The following XKR6 variants were observed in gnomAD, a reference collection of about 807,000 sequenced individuals.
XKR6 encodes XK-related protein 6.
Under a neutral mutation model 56.7 loss-of-function variants are expected in XKR6, and 22 were observed. The observed-to-expected ratio is 0.39, with a 90% CI of 0.28 to 0.55. The LOEUF is 0.55. XKR6 is among the 20% of genes least tolerant of loss of function. The probability of loss-of-function intolerance (pLI) is 0.66; values close to 1 mark genes in which losing one functional copy is unlikely to be tolerated. For synonymous variants in XKR6, 524 were observed against 387.8 expected, an observed-to-expected ratio of 1.35 and a Z score of -4.13; for missense variants, 852 against 889.0, an observed-to-expected ratio of 0.96 and a Z score of 0.53.
chr8:11,032,163 G>A (rs1230304914), intron 1 of XKR6, among the ~76,000 whole-genome samples: 2 of 152,148 alleles, frequency 1.3e-5, no homozygotes, highest in Non-Finnish European at 2.9e-5. Context: ...TTTTTCTTCT[G>A]CTTCTTTTAC....
chr8:11,122,347 A>T (rs1314019669), intron 1 of XKR6, among the ~76,000 whole-genome samples: 1 of 152,266 alleles, frequency 6.6e-6, no homozygotes, highest in Non-Finnish European at 1.5e-5. Flanking sequence ...TACAGATCTC[A>T]TATTTGCCCC....
At chr8:10,904,510 G>A (rs540435060) in intron 2 of XKR6, among the ~76,000 whole-genome samples, 13 of 152,164 alleles carry the variant, frequency 8.5e-5, no homozygotes, top group Non-Finnish European at 1.5e-4. Flanking sequence ...GGATATGGGT[G>A]CCCTACTGAA....
chr8:10,948,711 T>C (rs1586342257), intron 1 of XKR6, among the ~76,000 whole-genome samples: 1 of 152,124 alleles, frequency 6.6e-6, no homozygotes, highest in South Asian at 2.1e-4. Flanking sequence ...TGCTTTCCCA[T>C]GGGGAAGGCC....
intron 1 of XKR6, among the ~76,000 whole-genome samples, chr8:11,159,147 G>C (rs905585059): frequency 1.3e-5 from 2 of 152,214 alleles, no homozygotes; most frequent in African/African-American, 2.4e-5. Flanking sequence ...GTTTCAATGA[G>C]TTAATACACA....
intron 1 of XKR6, among the ~76,000 whole-genome samples, chr8:10,972,127 C>T (rs932718956): frequency 6.6e-6 from 1 of 152,122 alleles, no homozygotes; most frequent in African/African-American, 2.4e-5. Context: ...TGCCTTCCGA[C>T]CCCGACTGCT....
At chr8:11,117,885 C>T (rs940517580) in intron 1 of XKR6, among the ~76,000 whole-genome samples, 2 of 152,178 alleles carry the variant, frequency 1.3e-5, no homozygotes, top group Non-Finnish European at 2.9e-5. Context: ...CCAATAAATA[C>T]AGAAAAATAA....
At chr8:11,119,890 T>C (rs1243089177) in intron 1 of XKR6, among the ~76,000 whole-genome samples, 1 of 152,018 alleles carries the variant, frequency 6.6e-6, no homozygotes, top group Non-Finnish European at 1.5e-5. Flanking sequence ...CATACGAAAA[T>C]CAATAAACGT....
chr8:11,127,315 T>C (rs979923834), intron 1 of XKR6, among the ~76,000 whole-genome samples: 40 of 152,354 alleles, frequency 2.6e-4, no homozygotes, highest in African/African-American at 9.4e-4. Flanking sequence ...TTCAACGAGT[T>C]ACTTATCTTT....
At chr8:11,118,866 G>C (rs1166560919) in intron 1 of XKR6, among the ~76,000 whole-genome samples, 3 of 152,088 alleles carry the variant, frequency 2.0e-5, no homozygotes, top group African/African-American at 7.2e-5. Flanking sequence ...GAATGTGTTT[G>C]CTCTTGCTTC....
rs1563216788 is a variant in XKR6, at chr8:11,200,881, G to A, written c.459C>T (p.Tyr153=). Residue 153 remains tyrosine, a synonymous_variant, in exon 1 of 3, where the codon TAC becomes TAT. Transcript: ENST00000416569. This position sits in a 1 kb window ranked among gnomAD's most constrained non-coding sequence, Gnocchi z 6.4. ...AGTAGACGTAGTCCCCCTTGCGGTA[G>A]TAGTCGAGGGCCAGCCACAGGTCGG... The part of the protein sequence containing the change: ...VGTDLWLALD[Y]YRKGDYVYFG... 1 of 1,611,532 alleles carries A rather than the reference G, an allele frequency of 6.2e-7. No individual in the cohort carries two copies. The highest frequency in any genetic ancestry group is 8.5e-7 in the Non-Finnish European group (1 of 1,179,440).
intron 1 of XKR6, among the ~76,000 whole-genome samples, chr8:11,094,102 A>C (rs1193930230): frequency 7.0e-6 from 1 of 143,832 alleles, no homozygotes; most frequent in East Asian, 2.0e-4. Context: ...TTTTTGACAG[A>C]GTCTTGCTGT....
intron 1 of XKR6, among the ~76,000 whole-genome samples, chr8:10,970,187 T>G (rs1229144429): frequency 6.6e-6 from 1 of 152,164 alleles, no homozygotes; most frequent in Non-Finnish European, 1.5e-5. Flanking sequence ...GCATGTGTTC[T>G]CTGGAGGCGA....
rs569275911 is a variant in XKR6, at chr8:11,093,954, T to A, written c.764+106622A>T. 1.4e-4 allele frequency among the ~76,000 whole-genome samples: 21 copies of A among 152,112 alleles called. No homozygotes were observed. In the South Asian group the frequency reaches 4.2e-3, roughly 30 times the overall value. On this transcript the variant is annotated intron_variant, in intron 1 of 2. Transcript: ENST00000416569. ...GTCCGCCACCACGCCAGACTAATTTTTTGTATTTTTAGTAGAGATGGGGGT... is the reference window on the plus strand; with the variant it reads ...GTCCGCCACCACGCCAGACTAATTTATTGTATTTTTAGTAGAGATGGGGGT...
chr8:10,946,536 G>A (rs1320682696), intron 1 of XKR6, among the ~76,000 whole-genome samples: 1 of 151,892 alleles, frequency 6.6e-6, no homozygotes, highest in Non-Finnish European at 1.5e-5. Flanking sequence ...CCCACCCCTG[G>A]GGGTGGCGTG....
chr8:10,896,105 ACT>A lies in XKR6; in HGVS notation c.*1845_*1846del, dbSNP rs1423027275. On this transcript the variant is annotated 3_prime_UTR_variant, in exon 3 of 3. Transcript: ENST00000416569. ...TGTTTATATATATATATATATATAT[ACT>A]TATTATATATCTTTTTTGTGATTTT... The A allele has an allele frequency of 6.8e-6, 1 of 147,762 alleles. No homozygotes were observed. The highest frequency in any genetic ancestry group is 1.5e-5 in the Non-Finnish European group (1 of 66,982). The allele number at this position is 147,762 out of a possible 1,614,324, so 9.2% of individuals were successfully genotyped here. A position where few individuals can be genotyped will look rare whatever the true frequency, so the allele number is the denominator to read the frequency against.
chr8:11,147,129 G>A (rs1428793097), intron 1 of XKR6, among the ~76,000 whole-genome samples: 1 of 151,968 alleles, frequency 6.6e-6, no homozygotes, highest in African/African-American at 2.4e-5. Context: ...TAAAGGGGGT[G>A]AAAGGAAACT....
At chr8:11,183,294 A>G (rs1803095067) in intron 1 of XKR6, among the ~76,000 whole-genome samples, 1 of 152,092 alleles carries the variant, frequency 6.6e-6, no homozygotes, top group Admixed American at 6.6e-5. Context: ...ATTGCTTTCC[A>G]CAGCAGCTGC....
rs146141995 is a variant in XKR6 at position 10,971,603 on chromosome 8, G to A, written c.765-46773C>T. ...GAAGAAACTTAGGCCCAGAGAAGTT[G>A]AGCAACTTACCTGAGGCCAATCAGT... On this transcript the variant is annotated intron_variant, in intron 1 of 2. Transcript: ENST00000416569. 7.8e-4 allele frequency among the ~76,000 whole-genome samples: 118 copies of A among 152,250 alleles called. 1 individual carries two copies. Among genetic ancestry groups the A allele is most frequent in the African/African-American group, 2.7e-3 (111 of 41,546 alleles).
intron 1 of XKR6, among the ~76,000 whole-genome samples, chr8:10,983,056 T>C (rs906951784): frequency 6.6e-6 from 1 of 152,218 alleles, no homozygotes; most frequent in African/African-American, 2.4e-5. Flanking sequence ...TATGAAAACA[T>C]CTTGCAATTT....
Sources: gnomAD v4.1 joint callset for allele counts (sites outside exome capture counted in the v4.1 genomes callset) on GRCh38, gnomAD v4.1.1 for gene constraint, Gnocchi (gnomAD v3.1) non-coding constraint, MANE v1.5 for transcripts, NCBI Gene and HGNC (gene_info 2026-07-23, HGNC 2026-07-21) for gene names.